The following SECISBP2L variants were observed in gnomAD, a reference collection of about 807,000 sequenced individuals.
SECISBP2L encodes the protein SECIS binding protein 2 like, also known as selenocysteine insertion sequence-binding protein 2-like.
SECISBP2L carries 43 observed loss-of-function variants against 114.7 expected under a neutral mutation model. The observed-to-expected ratio is 0.38, with a 90% CI of 0.29 to 0.48. The LOEUF (loss-of-function observed/expected upper bound fraction) is 0.48, where lower values mean the gene tolerates loss of function less well. Among genes scored for constraint, SECISBP2L ranks in the 20% least tolerant of loss-of-function variants. The pLI is 0.98. For synonymous variants in SECISBP2L, 451 were observed against 439.7 expected (o/e 1.03, Z -0.32); for missense variants, 1,136 against 1,301.1 (o/e 0.87, Z 1.95).
chr15:48,996,143 T>C (rs1306177487), intron 17 of SECISBP2L: 5 of 491,820 alleles, frequency 1.0e-5, no homozygotes, highest in Non-Finnish European at 1.4e-5. Flanking sequence ...CTGAGGCTTT[T>C]TATAAAGATT....
chr15:49,010,814 C>T (rs1270758198), intron 13 of SECISBP2L, among the ~76,000 whole-genome samples: 1 of 152,154 alleles, frequency 6.6e-6, no homozygotes, highest in Non-Finnish European at 1.5e-5. Context: ...GCCCAGCCCA[C>T]GTGTATCTTC....
At chr15:49,005,789 G>A (rs895305167) in intron 14 of SECISBP2L, among the ~76,000 whole-genome samples, 2 of 151,818 alleles carry the variant, frequency 1.3e-5, no homozygotes, top group Non-Finnish European at 2.9e-5. Flanking sequence ...ATCTGATCCT[G>A]TCATTATGAT....
At chr15:49,034,306 T>C (rs1170834593) in intron 3 of SECISBP2L, among the ~76,000 whole-genome samples, 1 of 152,212 alleles carries the variant, frequency 6.6e-6, no homozygotes, top group African/African-American at 2.4e-5. Context: ...AAACACATTC[T>C]TTCTTCCCAT....
intron 14 of SECISBP2L, among the ~76,000 whole-genome samples, chr15:49,008,911 G>A (rs1902377844): frequency 6.6e-6 from 1 of 152,118 alleles, no homozygotes; most frequent in South Asian, 2.1e-4. Context: ...AGCATTTGTA[G>A]GAGGAAAACT....
rs1008207096 is a variant in SECISBP2L, at chr15:49,046,303, G to T, written c.-4C>A. 7.1e-6 allele frequency: 11 copies of T among 1,548,204 alleles called. No homozygotes were observed. In the African/African-American group the frequency reaches 1.4e-4, roughly 20 times the overall value. On this transcript the variant is annotated 5_prime_UTR_variant, in exon 1 of 18. Transcript: ENST00000559471. ...GCTCCGTGGGGGCTCGGTCCATGGT[G>T]CCTGCAGCCGCAACGGGCCCGCGCT...
At chr15:49,019,710 T>C (rs1266843060) in intron 7 of SECISBP2L, 158 bp from the exon 8 acceptor site, 2 of 523,242 alleles carry the variant, frequency 3.8e-6, no homozygotes, top group Non-Finnish European at 5.9e-6. Flanking sequence ...TTCTGACAAG[T>C]AAGGTACTTA....
intron 1 of SECISBP2L, among the ~76,000 whole-genome samples, chr15:49,039,491 TA>T: frequency 6.6e-6 from 1 of 151,446 alleles, no homozygotes; most frequent in African/African-American, 2.4e-5. Context: ...TTAACTGCAC[TA>T]AAAATGTAAT....
intron 13 of SECISBP2L, 134 bp from the exon 14 acceptor site, chr15:49,009,512 G>T: frequency 4.0e-6 from 3 of 756,764 alleles, no homozygotes; most frequent in Non-Finnish European, 4.2e-6. Flanking sequence ...AATAAGGTGG[G>T]CATTTTTCAT....
chr15:49,024,428 G>A (rs192377970), intron 7 of SECISBP2L, among the ~76,000 whole-genome samples: 4 of 151,514 alleles, frequency 2.6e-5, no homozygotes, highest in South Asian at 2.1e-4. Flanking sequence ...CCCGGGAGGC[G>A]GAGGTTGCAG....
At chr15:49,035,911 C>A (rs1023547119) in intron 2 of SECISBP2L, among the ~76,000 whole-genome samples, 1 of 152,176 alleles carries the variant, frequency 6.6e-6, no homozygotes, top group African/African-American at 2.4e-5. Context: ...CACATACCAG[C>A]ATTGTCTGTA....
At chr15:49,044,102 G>C (rs539393736) in intron 1 of SECISBP2L, among the ~76,000 whole-genome samples, 9 of 152,130 alleles carry the variant, frequency 5.9e-5, no homozygotes, top group Admixed American at 3.3e-4. Context: ...ACTATAATGA[G>C]TAAGTTTTAA....
At chr15:49,003,158 T>TC (rs140368301) in intron 14 of SECISBP2L, among the ~76,000 whole-genome samples, 102,498 of 151,950 alleles carry the variant, frequency 0.67, 35,160 homozygotes, top group Middle Eastern at 0.74. Context: ...CTTGAAGAGT[T>TC]CCTTCACATC....
rs759098942 is a variant in SECISBP2L, at chr15:49,028,573, A to T, written c.774T>A (p.Ser258=). ...RRASHPTAES[S]SEQGASEADI... Reference sequence around the variant, plus strand: ...CGGCTTCACTAGCCCCCTGCTCACTAGAAGATTCAGCAGTAGGGTGGGATG... The same window carrying T: ...CGGCTTCACTAGCCCCCTGCTCACTTGAAGATTCAGCAGTAGGGTGGGATG... The change falls in exon 5 of 18, where the codon TCT becomes TCA. Residue 258 remains serine, a synonymous_variant. Coordinates refer to ENST00000559471, the MANE Select transcript of SECISBP2L (RefSeq NM_001193489.2). 1 of 1,614,102 alleles carries T rather than the reference A, an allele frequency of 6.2e-7. No homozygotes were observed. The highest frequency in any genetic ancestry group is 8.5e-7 in the Non-Finnish European group (1 of 1,180,000).
chr15:49,045,561 T>C (rs2141091832), intron 1 of SECISBP2L, among the ~76,000 whole-genome samples: 1 of 152,262 alleles, frequency 6.6e-6, no homozygotes, highest in East Asian at 1.9e-4. Flanking sequence ...TACCACCTAC[T>C]AGCATGCATA....
chr15:48,990,136 C>G lies in SECISBP2L; in HGVS notation c.*2108G>C, dbSNP rs561327594. On this transcript the variant is annotated 3_prime_UTR_variant, in exon 18 of 18. Transcript: ENST00000559471. Reference sequence around the variant, plus strand: ...TGTTCTGAAGATTTCCTCAACTTCTCTTTTGATACAAATGTCAAAAATCTA... The same window carrying G: ...TGTTCTGAAGATTTCCTCAACTTCTGTTTTGATACAAATGTCAAAAATCTA... 6.5e-6 allele frequency: 1 copy of G among 152,722 alleles called. No individual in the cohort carries two copies. Among genetic ancestry groups the G allele is most frequent in the African/African-American group, 2.4e-5 (1 of 41,558 alleles). 9.5% of individuals were successfully genotyped at this position (152,722 alleles called of 1,614,324 possible). A position where few individuals can be genotyped will look rare whatever the true frequency, so the allele number is the denominator to read the frequency against.
In SECISBP2L at chr15:49,012,685, T is replaced by C; in HGVS notation, c.1694A>G (p.Glu565Gly). 1.2e-6 allele frequency: 2 copies of C among 1,613,736 alleles called. No individual in the cohort carries two copies. The highest frequency in any genetic ancestry group is 1.7e-6 in the Non-Finnish European group (2 of 1,179,916). ...SSKAKKGKEK[E>G]IAKLKRPTAL... ...TGTGGGTCGTTTTAGTTTTGCAATT[T>C]CCTTCTCTTTTCCTTTTTTTGCTTT... is the stretch of plus-strand genomic sequence containing the variant. The change falls in exon 12 of 18, where the codon GAA (glutamate) becomes GGA (glycine). Residue 565 changes from glutamate (E) to glycine (G), a missense_variant. Physicochemically the swap from Glu to Gly is moderately conservative, Grantham distance 98 (BLOSUM62 -2). Coordinates refer to ENST00000559471, the MANE Select transcript of SECISBP2L (RefSeq NM_001193489.2).
chr15:49,029,692 C>T (rs1460689229), intron 4 of SECISBP2L, among the ~76,000 whole-genome samples: 1 of 152,132 alleles, frequency 6.6e-6, no homozygotes, highest in Admixed American at 6.6e-5. Context: ...TTAGGGGATG[C>T]ACATATCCAA....
chr15:49,046,379 G>A lies in SECISBP2L; in HGVS notation c.-80C>T, dbSNP rs754451245. The stretch of plus-strand genomic sequence containing the variant: ...CGCTTTCTCCATGGCCCCCCGCTCG[G>A]GTCCAGACTGGGTTCCGGACCTCCG... On this transcript the variant is annotated 5_prime_UTR_variant, in exon 1 of 18. Transcript: ENST00000559471. The A allele has an allele frequency of 3.4e-5, 47 of 1,367,238 alleles. No homozygotes were observed. Among genetic ancestry groups the A allele is most frequent in the Non-Finnish European group, 4.3e-5 (45 of 1,045,710 alleles). The allele number at this position is 1,367,238 out of a possible 1,614,324, so 84.7% of individuals were successfully genotyped here. A position where few individuals can be genotyped will look rare whatever the true frequency, so the allele number is the denominator to read the frequency against.
chr15:49,024,264 G>A (rs548350762), intron 7 of SECISBP2L, among the ~76,000 whole-genome samples: 321 of 152,208 alleles, frequency 2.1e-3, no homozygotes, highest in African/African-American at 7.4e-3. Context: ...TTGGGAGGCC[G>A]AGGTGGGTGG....
Sources: gnomAD v4.1 joint callset for allele counts (sites outside exome capture counted in the v4.1 genomes callset) on GRCh38, gnomAD v4.1.1 for gene constraint, MANE v1.5 for transcripts, NCBI Gene and HGNC (gene_info 2026-07-23, HGNC 2026-07-21) for gene names.